ZNF248: variants seen among roughly 807,000 people sequenced by gnomAD.
ZNF248 encodes zinc finger protein 248, also known as KRAB protein domain.
A neutral mutation model predicts 44.3 loss-of-function variants in ZNF248; 20 were observed. The observed-to-expected ratio is 0.45, with a 90% CI of 0.32 to 0.66. ZNF248 has a LOEUF of 0.66. ZNF248 is among the 30% of genes least tolerant of loss of function. The pLI is 0.04. For missense variants in ZNF248, 654 were observed against 677.0 expected (o/e 0.97, Z 0.38); for synonymous variants, 224 against 229.0 (o/e 0.98, Z 0.20).
chr10:37,804,101 C>CTTTTTTTTTTTT (rs59261731), intron 6 of ZNF248, among the ~76,000 whole-genome samples: 2 of 124,922 alleles, frequency 1.6e-5, no homozygotes, highest in Admixed American at 8.9e-5. Context: ...TTTTCTTTTT[C>CTTTTTTTTTTTT]TTTTTTTTTT....
chr10:37,816,568 G>A (rs1281295513), intron 6 of ZNF248, among the ~76,000 whole-genome samples: 2 of 152,136 alleles, frequency 1.3e-5, no homozygotes, highest in African/African-American at 4.8e-5. Context: ...TGTCTCTTTC[G>A]TTGGTTCACC....
intron 6 of ZNF248, chr10:37,795,526 A>C (rs2049051737): frequency 6.6e-6 from 1 of 152,084 alleles, no homozygotes. Flanking sequence ...TTTGGCTGCC[A>C]GAGTCTGCCT....
At chr10:37,841,104 A>T (rs767815570) in intron 3 of ZNF248, among the ~76,000 whole-genome samples, 1 of 152,228 alleles carries the variant, frequency 6.6e-6, no homozygotes, top group Admixed American at 6.5e-5. Flanking sequence ...ATGAAAAGGC[A>T]TATGTTCACA....
intron 6 of ZNF248, chr10:37,819,557 T>A: frequency 2.1e-6 from 2 of 944,778 alleles, no homozygotes; most frequent in Non-Finnish European, 3.5e-6. Context: ...TAGCATTGGA[T>A]GATCTTTAAA....
chr10:37,759,971 G>A, the ZNF248 span, among the ~76,000 whole-genome samples: 103 of 152,286 alleles, frequency 6.8e-4, no homozygotes, highest in Admixed American at 1.2e-3. Context: ...CCCCAAGCCA[G>A]TTGGTAATGT....
At chr10:37,762,067 G>A in the ZNF248 span, among the ~76,000 whole-genome samples, 1 of 152,162 alleles carries the variant, frequency 6.6e-6, no homozygotes, top group Non-Finnish European at 1.5e-5. Flanking sequence ...ATCTCATTCA[G>A]CATTCTCAGT....
intron 3 of ZNF248, among the ~76,000 whole-genome samples, chr10:37,848,969 G>C (rs2059773596): frequency 6.6e-6 from 1 of 152,050 alleles, no homozygotes; most frequent in African/African-American, 2.4e-5. Flanking sequence ...ACAGCATAAA[G>C]CATACTCACC....
At chr10:37,840,799 A>G (rs893366124) in intron 3 of ZNF248, among the ~76,000 whole-genome samples, 2 of 152,246 alleles carry the variant, frequency 1.3e-5, no homozygotes, top group East Asian at 3.9e-4. Flanking sequence ...AAAAAGAAAA[A>G]AAGAAAACCA....
At chr10:37,836,450 A>C (rs1231563071) in intron 5 of ZNF248, among the ~76,000 whole-genome samples, 1 of 152,068 alleles carries the variant, frequency 6.6e-6, no homozygotes, top group Non-Finnish European at 1.5e-5. Flanking sequence ...GCTTCCAACC[A>C]CAGTGATTTC....
chr10:37,848,586 CAA>C (rs11297654), intron 3 of ZNF248, among the ~76,000 whole-genome samples: 43 of 138,210 alleles, frequency 3.1e-4, no homozygotes, highest in Admixed American at 3.6e-4. Context: ...GACTCCGTCT[CAA>C]AAAAAAAAAA....
At chr10:37,783,818 A>C (rs1055928251) in intron 6 of ZNF248, 4 of 152,160 alleles carry the variant, frequency 2.6e-5, no homozygotes, top group African/African-American at 9.7e-5. Flanking sequence ...CCTCCCAAAG[A>C]GACTTTTTTC....
intron 3 of ZNF248, among the ~76,000 whole-genome samples, chr10:37,841,484 A>C (rs922994484): frequency 6.6e-6 from 1 of 152,150 alleles, no homozygotes; most frequent in Non-Finnish European, 1.5e-5. Flanking sequence ...GATTATAACC[A>C]AAGTATAAAA....
rs1389126730 is a variant in ZNF248, at chr10:37,832,706, T to C, written c.649A>G (p.Ser217Gly). The C allele has an allele frequency of 1.9e-6, 3 of 1,613,492 alleles. No individual in the cohort carries two copies. Among genetic ancestry groups the C allele is most frequent in the Non-Finnish European group, 1.7e-6 (2 of 1,179,908 alleles). Residue 217 changes from serine to glycine, a missense_variant, in exon 6 of 6, where the codon AGT becomes GGT. Transcript: ENST00000395867. ...QPSFGQSFEY[S>G]KNGQGFHDEA... is the part of the protein sequence containing the mutation. Reference sequence around the variant, plus strand: ...TCATGGAAGCCTTGTCCATTTTTACTATACTCAAAAGATTGGCCAAAACTT... The same window carrying C: ...TCATGGAAGCCTTGTCCATTTTTACCATACTCAAAAGATTGGCCAAAACTT...
Position 37,831,792 on chromosome 10 carries a change from C to G in ZNF248, c.1563G>C (p.Lys521Asn). 6.2e-7 allele frequency: 1 copy of G among 1,612,906 alleles called. No homozygotes were observed. Reference protein sequence around the residue: ...QRTHTGEKPYKCNECGKTFCE... With the variant: ...QRTHTGEKPYNCNECGKTFCE... The stretch of plus-strand genomic sequence containing the variant: ...AGAAGGTTTTCCCACATTCATTACA[C>G]TTATATGGTTTCTCCCCAGTGTGAG... Residue 521 changes from lysine (K) to asparagine (N), a missense_variant, in exon 6 of 6, where the codon AAG (lysine) becomes AAC (asparagine). By Grantham distance (94) the Lys-to-Asn change is moderately conservative. Transcript: ENST00000395867.
chr10:37,771,367 C>A, the ZNF248 span, among the ~76,000 whole-genome samples: 1 of 152,088 alleles, frequency 6.6e-6, no homozygotes, highest in African/African-American at 2.4e-5. Context: ...GACTTGGAAC[C>A]AACCCAAATG....
At position 37,832,145 on chromosome 10, in the gene ZNF248, CTG is replaced by C; in HGVS notation, c.1208_1209del (p.Thr403ArgfsTer6). On this transcript the variant is annotated frameshift_variant, in exon 6 of 6. Coordinates refer to ENST00000395867, the MANE Select transcript of ZNF248 (RefSeq NM_021045.3). LOFTEE classifies it high-confidence loss of function. ...TCAGTACATTCATAGGGCTTCTCTC[CTG>C]TGTGTGTTCTCTGATGTTGAGTGAG... is the stretch of plus-strand genomic sequence containing the variant. ...SNLTQHQRTH[T>X]GEKPYECTEC... is the part of the protein sequence containing the mutation. 6.2e-7 allele frequency: 1 copy of C among 1,614,058 alleles called. No homozygotes were observed. The highest frequency in any genetic ancestry group is 8.5e-7 in the Non-Finnish European group (1 of 1,179,962).
intron 3 of ZNF248, among the ~76,000 whole-genome samples, chr10:37,847,133 T>A (rs2059453114): frequency 1.3e-5 from 2 of 152,198 alleles, no homozygotes; most frequent in Admixed American, 1.3e-4. Flanking sequence ...CTTCCTGGGA[T>A]CAACTGATCC....
rs530328407 is a variant in ZNF248, at chr10:37,830,080, G to A, written c.*1535C>T. The A allele has an allele frequency of 2.0e-6, 2 of 985,312 alleles. No individual in the cohort carries two copies. Among genetic ancestry groups the A allele is most frequent in the Non-Finnish European group, 2.4e-6 (2 of 829,928 alleles). The allele number at this position is 985,312 out of a possible 1,614,324, so 61.0% of individuals were successfully genotyped here. A position where few individuals can be genotyped will look rare whatever the true frequency, so the allele number is the denominator to read the frequency against. On this transcript the variant is annotated 3_prime_UTR_variant, in exon 6 of 6. Coordinates refer to ENST00000395867, the MANE Select transcript of ZNF248 (RefSeq NM_021045.3). Reference sequence around the variant, plus strand: ...AGATACTCTAAAATACTAATACGCAGAACTAGTGTTACATAGACCGTGCCC... The same window carrying A: ...AGATACTCTAAAATACTAATACGCAAAACTAGTGTTACATAGACCGTGCCC...
rs973314412 is a variant in ZNF248, at chr10:37,790,740, T to A, written c.331-14165A>T. Among the ~76,000 whole-genome samples, 30 of 139,138 alleles carry A rather than the reference T, an allele frequency of 2.2e-4. No individual in the cohort carries two copies. In the East Asian group the frequency reaches 2.2e-3, roughly 10 times the overall value. 91.3% of individuals were successfully genotyped at this position (139,138 alleles called of 152,430 possible). The stretch of plus-strand genomic sequence containing the variant: ...AATAAATAAATAAATAAATAATTTT[T>A]TAAAAAAATAAAAATAAAAAATAAA... On this transcript the variant is annotated intron_variant, in intron 6 of 6. Transcript: ENST00000615949.
Sources: allele counts gnomAD v4.1 joint callset (sites outside exome capture counted in the v4.1 genomes callset), GRCh38; gene constraint gnomAD v4.1.1; transcripts MANE v1.5; gene names NCBI Gene and HGNC (gene_info 2026-07-23, HGNC 2026-07-21).